The following SERP2 variants were observed in gnomAD, a reference collection of about 807,000 sequenced individuals.
The protein encoded by SERP2 is stress associated endoplasmic reticulum protein family member 2, also known as stress-associated endoplasmic reticulum protein 2.
A neutral mutation model predicts 9.1 loss-of-function variants in SERP2; 6 were observed. That is an observed-to-expected ratio of 0.66 (90% CI 0.36 to 1.30). The LOEUF (loss-of-function observed/expected upper bound fraction) is 1.30, where lower values mean the gene tolerates loss of function less well. Ranked by LOEUF, SERP2 falls within the 50% of genes most tolerant of loss-of-function variation. The pLI is 0.03. For synonymous variants in SERP2, 37 were observed against 27.3 expected (o/e 1.35, Z -1.10); for missense variants, 58 against 81.9 (o/e 0.71, Z 1.13).
chr13:44,386,683 G>A (rs920734561), intron 2 of SERP2, among the ~76,000 whole-genome samples: 6 of 152,104 alleles, frequency 3.9e-5, no homozygotes, highest in Non-Finnish European at 7.4e-5. Flanking sequence ...ACACCCAGAC[G>A]GCTTTGTTAA....
chr13:44,384,536 G>A (rs1595052340), intron 2 of SERP2, among the ~76,000 whole-genome samples: 1 of 152,168 alleles, frequency 6.6e-6, no homozygotes, highest in Admixed American at 6.5e-5. Context: ...CCTGTTTGCA[G>A]CACGCACACC....
At chr13:44,374,171 T>TGGGGGG in intron 1 of SERP2, 62 bp downstream of exon 1, 3 of 94,470 alleles carry the variant, frequency 3.2e-5, no homozygotes, top group Non-Finnish European at 5.1e-5. Context: ...GGGCGGAAGG[T>TGGGGGG]GGGGGCGGGG....
intron 2 of SERP2, among the ~76,000 whole-genome samples, chr13:44,383,765 A>C (rs61947538): frequency 0.018 from 2,713 of 150,490 alleles, 30 homozygotes; most frequent in Non-Finnish European, 0.027. Flanking sequence ...GTTGGCCAGA[A>C]TGGTCTTGAT....
Position 44,379,261 on chromosome 13 carries a change from A to T in SERP2, c.85-380A>T, listed in dbSNP as rs1871828001. 1.3e-5 allele frequency among the ~76,000 whole-genome samples: 2 copies of T among 152,226 alleles called. 1 individual carries two copies. Among genetic ancestry groups the T allele is most frequent in the South Asian group, 4.1e-4 (2 of 4,830 alleles). On this transcript the variant is annotated intron_variant, in intron 1 of 2. Coordinates refer to ENST00000379179, the MANE Select transcript of SERP2 (RefSeq NM_001010897.3). ...AATGGAAATAATAATACTTGCCAGA[A>T]ATAATGAATGCAGACTGCCTAGTGT...
chr13:44,378,292 A>G (rs1005100593), intron 1 of SERP2, among the ~76,000 whole-genome samples: 2 of 152,240 alleles, frequency 1.3e-5, no homozygotes, highest in African/African-American at 2.4e-5. Context: ...TTTTTTAAAG[A>G]AGTTTTTGTT....
chr13:44,389,670 C>T (rs766618102), intron 2 of SERP2, among the ~76,000 whole-genome samples: 3 of 152,074 alleles, frequency 2.0e-5, no homozygotes, highest in Admixed American at 6.5e-5. Flanking sequence ...CTCCATGAGC[C>T]GAGACCAGCA....
Position 44,397,614 on chromosome 13 carries a change from T to C in SERP2, c.*302T>C. On this transcript the variant is annotated 3_prime_UTR_variant, in exon 3 of 3. Coordinates refer to ENST00000379179, the MANE Select transcript of SERP2 (RefSeq NM_001010897.3). Reference sequence around the variant, plus strand: ...TTTTTCCCTTGGTTTCACTAATGCGTGCATGTGGCCCTCTGAACGATCACT... The same window carrying C: ...TTTTTCCCTTGGTTTCACTAATGCGCGCATGTGGCCCTCTGAACGATCACT... 1 of 452,940 alleles carries C rather than the reference T, an allele frequency of 2.2e-6. No homozygotes were observed. Among genetic ancestry groups the C allele is most frequent in the East Asian group, 4.4e-5 (1 of 22,528 alleles). The allele number at this position is 452,940 out of a possible 1,614,324, so 28.1% of individuals were successfully genotyped here.
At chr13:44,387,001 T>C (rs952326728) in intron 2 of SERP2, among the ~76,000 whole-genome samples, 1 of 152,208 alleles carries the variant, frequency 6.6e-6, no homozygotes, top group Non-Finnish European at 1.5e-5. Context: ...GATAAGCAGC[T>C]CATCCTGGCT....
chr13:44,393,985 C>T (rs942150137), intron 2 of SERP2, among the ~76,000 whole-genome samples: 4 of 152,136 alleles, frequency 2.6e-5, no homozygotes, highest in Admixed American at 2.6e-4. Context: ...TTAAGGATCG[C>T]TGGACTCTTA....
intron 2 of SERP2, among the ~76,000 whole-genome samples, chr13:44,383,542 G>GGTTT (rs1566091560): frequency 1.6e-5 from 2 of 124,012 alleles, no homozygotes; most frequent in Non-Finnish European, 1.6e-5. Context: ...CTGGAGGTTT[G>GGTTT]CGTTTTTTTT....
intron 2 of SERP2, among the ~76,000 whole-genome samples, chr13:44,388,060 A>T (rs529371388): frequency 1.3e-5 from 2 of 152,210 alleles, no homozygotes; most frequent in East Asian, 3.8e-4. Flanking sequence ...ATAGTTTCCA[A>T]ATTTGTCAAT....
At chr13:44,378,381 C>A (rs1258089334) in intron 1 of SERP2, among the ~76,000 whole-genome samples, 1 of 152,140 alleles carries the variant, frequency 6.6e-6, no homozygotes, top group East Asian at 1.9e-4. Context: ...TTTTGAAACA[C>A]TATTACATAC....
intron 2 of SERP2, among the ~76,000 whole-genome samples, chr13:44,384,805 A>G (rs1473407787): frequency 6.6e-6 from 1 of 152,208 alleles, no homozygotes. Flanking sequence ...ATAGATGCTA[A>G]GGAAAAAGGC....
At chr13:44,387,457 C>T (rs1410945619) in intron 2 of SERP2, among the ~76,000 whole-genome samples, 4 of 152,174 alleles carry the variant, frequency 2.6e-5, no homozygotes, top group Admixed American at 2.0e-4. Flanking sequence ...GTTATTGCCA[C>T]GGTATTCACA....
chr13:44,377,845 G>A (rs1049186550), intron 1 of SERP2, among the ~76,000 whole-genome samples: 6 of 152,144 alleles, frequency 3.9e-5, no homozygotes, highest in Admixed American at 3.9e-4. Context: ...TTTGATGAAC[G>A]TTTATTATCT....
chr13:44,376,213 C>A (rs1441775882), intron 1 of SERP2, among the ~76,000 whole-genome samples: 1 of 152,168 alleles, frequency 6.6e-6, no homozygotes, highest in Non-Finnish European at 1.5e-5. Flanking sequence ...ATGAAATTTT[C>A]TTTCAAAGAG....
intron 2 of SERP2, among the ~76,000 whole-genome samples, chr13:44,391,977 G>C (rs373034311): frequency 6.6e-6 from 1 of 151,466 alleles, no homozygotes; most frequent in Admixed American, 6.6e-5. Flanking sequence ...CGGGTGGATC[G>C]TGAGATCAAG....
At chr13:44,395,771 G>A (rs1467624) in intron 2 of SERP2, 448,989 of 456,646 alleles carry the variant, frequency 0.98, 220,891 homozygotes, top group Non-Finnish European at 1. Flanking sequence ...GATTTGACTC[G>A]TAATTCTAAC....
At chr13:44,395,201 T>C (rs1337918401) in intron 2 of SERP2, among the ~76,000 whole-genome samples, 4 of 152,222 alleles carry the variant, frequency 2.6e-5, no homozygotes, top group African/African-American at 9.6e-5. Flanking sequence ...ACAGAATGTT[T>C]ATTTAATTTT....
Sources: gnomAD v4.1 joint callset for allele counts (sites outside exome capture counted in the v4.1 genomes callset) on GRCh38, gnomAD v4.1.1 for gene constraint, MANE v1.5 for transcripts, NCBI Gene and HGNC (gene_info 2026-07-23, HGNC 2026-07-21) for gene names.